The following TPO variants were observed in gnomAD, a reference collection of about 807,000 sequenced individuals.
The protein encoded by TPO is thyroid peroxidase.
Under a neutral mutation model 96.9 loss-of-function variants are expected in TPO, and 78 were observed. The observed-to-expected ratio is 0.81, with a 90% CI of 0.67 to 0.97. TPO has a LOEUF of 0.97. TPO is among the 50% of genes least tolerant of loss of function. TPO has a pLI of 0.00. For missense variants in TPO, 1,252 were observed against 1,274.8 expected, an observed-to-expected ratio of 0.98 and a Z score of 0.27; for synonymous variants, 547 against 538.0, an observed-to-expected ratio of 1.02 and a Z score of -0.23.
chr2:1,537,055 C>T (rs1471870408), intron 15 of TPO, among the ~76,000 whole-genome samples: 1 of 42,132 alleles, frequency 2.4e-5, no homozygotes, highest in Non-Finnish European at 4.4e-5. Context: ...GCAACCTCCC[C>T]AAATCCCTGC....
In TPO at chr2:1,418,298, A is replaced by AG. The variant is rs201122454; in HGVS notation, c.94+3796_94+3797insG. On this transcript the variant is annotated intron_variant, in intron 2 of 16. Coordinates refer to ENST00000329066, the MANE Select transcript of TPO (RefSeq NM_001206744.2). ...AGAATCCATCTCAAAAAAAAAAAAAAAAGAGAGAGAGAGAAAAAAAGAAAA... is the reference window on the plus strand; with the variant it reads ...AGAATCCATCTCAAAAAAAAAAAAAAGAAGAGAGAGAGAGAAAAAAAGAAAA... Among the ~76,000 whole-genome samples the AG allele has an allele frequency of 9.9e-3, 1,487 of 150,710 alleles. 23 individuals carry two copies. Among genetic ancestry groups the AG allele is most frequent in the African/African-American group, 0.035 (1,398 of 40,338 alleles).
chr2:1,534,015 T>TA (rs1678936565), intron 15 of TPO, among the ~76,000 whole-genome samples: 1 of 56,316 alleles, frequency 1.8e-5, no homozygotes, highest in Non-Finnish European at 3.5e-5. Context: ...TCTCCCCAAA[T>TA]CCCCCCCAAT....
intron 8 of TPO, among the ~76,000 whole-genome samples, chr2:1,481,049 G>A (rs576331532): frequency 6.6e-6 from 1 of 152,006 alleles, no homozygotes; most frequent in Admixed American, 6.6e-5. Context: ...TCTCTCGGGG[G>A]ACTCGCACGT....
At chr2:1,484,913 T>C in intron 9 of TPO, 59 bp downstream of exon 9, 1 of 1,600,338 alleles carries the variant, frequency 6.2e-7, no homozygotes, top group South Asian at 1.1e-5. Flanking sequence ...TTTTTTAATT[T>C]TTTTAAATTA....
At chr2:1,391,733 C>A (rs1233994738) in intron 1 of TPO, among the ~76,000 whole-genome samples, 1 of 152,148 alleles carries the variant, frequency 6.6e-6, no homozygotes, top group Non-Finnish European at 1.5e-5. Flanking sequence ...TCCTTCACAT[C>A]CCTTGTAAGT....
intron 1 of TPO, among the ~76,000 whole-genome samples, chr2:1,404,609 G>T (rs1662220800): frequency 6.6e-6 from 1 of 152,154 alleles, no homozygotes; most frequent in Non-Finnish European, 1.5e-5. Context: ...GCAGGGGAAG[G>T]TGACCAGCCA....
chr2:1,537,419 ACCC>A (rs1680009213), intron 15 of TPO, among the ~76,000 whole-genome samples: 18 of 85,536 alleles, frequency 2.1e-4, no homozygotes, highest in South Asian at 1.4e-3. Flanking sequence ...ACCTCCCCAA[ACCC>A]TCCCATTGTG....
intron 15 of TPO, among the ~76,000 whole-genome samples, chr2:1,518,163 G>A (rs1417312905): frequency 6.6e-6 from 1 of 152,148 alleles, no homozygotes; most frequent in Non-Finnish European, 1.5e-5. Context: ...CCACTCTAAG[G>A]CCATCTTCCA....
At chr2:1,458,335 C>T (rs1668075590) in intron 7 of TPO, among the ~76,000 whole-genome samples, 1 of 151,546 alleles carries the variant, frequency 6.6e-6, no homozygotes, top group Non-Finnish European at 1.5e-5. Flanking sequence ...AATATGCGGA[C>T]ATGTGTGTAT....
intron 14 of TPO, among the ~76,000 whole-genome samples, chr2:1,511,070 G>C (rs1254456217): frequency 6.6e-6 from 1 of 152,198 alleles, no homozygotes; most frequent in Non-Finnish European, 1.5e-5. Flanking sequence ...TATAGATTCA[G>C]GCGCTGATAT....
chr2:1,542,515 C>CA lies in TPO; in HGVS notation c.*45dup. On this transcript the variant is annotated 3_prime_UTR_variant, in exon 17 of 17. Coordinates refer to ENST00000329066, the MANE Select transcript of TPO (RefSeq NM_001206744.2). ...ACACTGCAGAACAGCTTCATGTTCC[C>CA]AAAATCACCGTACGACTCTTTTCCA... 1.2e-6 allele frequency: 2 copies of CA among 1,613,000 alleles called. No homozygotes were observed. The highest frequency in any genetic ancestry group is 1.7e-6 in the Non-Finnish European group (2 of 1,179,508).
In TPO at chr2:1,456,189, G is replaced by A. The variant is rs747452123; in HGVS notation, c.726G>A (p.Ala242=). ...AWGQYIDHDI[A]FTPQSTSKAA... is the part of the protein sequence containing the mutation. ...GACAATACATCGACCACGACATCGC[G>A]TTCACACCACAGAGCACCAGCAAAG... Residue 242 remains alanine, a synonymous_variant, in exon 7 of 17, where the codon GCG becomes GCA. Transcript: ENST00000329066. 2.1e-5 allele frequency: 34 copies of A among 1,614,076 alleles called. No individual in the cohort carries two copies. Among genetic ancestry groups the A allele is most frequent in the African/African-American group, 1.1e-4 (8 of 75,038 alleles).
chr2:1,457,978 TAG>T (rs776706774), intron 7 of TPO, among the ~76,000 whole-genome samples: 2 of 147,088 alleles, frequency 1.4e-5, no homozygotes, highest in Non-Finnish European at 3.0e-5. Flanking sequence ...GCATATAAGA[TAG>T]TGTGTGGGCA....
At chr2:1,463,098 C>G (rs906383852) in intron 7 of TPO, among the ~76,000 whole-genome samples, 7 of 152,172 alleles carry the variant, frequency 4.6e-5, no homozygotes, top group Non-Finnish European at 1.0e-4. Flanking sequence ...CCACATCTGG[C>G]AGGGAGGACA....
At chr2:1,481,428 C>T (rs552223058) in intron 8 of TPO, among the ~76,000 whole-genome samples, 1 of 152,150 alleles carries the variant, frequency 6.6e-6, no homozygotes, top group South Asian at 2.1e-4. Flanking sequence ...TTCTATGCCC[C>T]GGCCATCAGA....
intron 15 of TPO, among the ~76,000 whole-genome samples, chr2:1,536,029 G>A (rs1195369804): frequency 1.2e-4 from 2 of 16,024 alleles, no homozygotes; most frequent in Non-Finnish European, 2.0e-4. Flanking sequence ...TCCCCCCACT[G>A]TGTGCAACCT....
At position 1,429,178 on chromosome 2, in the gene TPO, TG is replaced by T. The variant is rs754811073; in HGVS notation, c.180-4258del. On this transcript the variant is annotated intron_variant, in intron 3 of 16. Coordinates refer to ENST00000329066, the MANE Select transcript of TPO (RefSeq NM_001206744.2). ...TTGCTCAGTTACTTCACGTGAGATC[TG>T]GTTGTTTAAAAGTCTGTGGCATCTC... is the stretch of plus-strand genomic sequence containing the variant. Among the ~76,000 whole-genome samples, 167 of 152,306 alleles carry T rather than the reference TG, an allele frequency of 1.1e-3. 3 individuals carry two copies. Among genetic ancestry groups the T allele is most frequent in the Middle Eastern group, 3.4e-3 (1 of 294 alleles).
upstream of TPO, among the ~76,000 whole-genome samples, chr2:1,411,642 A>T (rs921393066): frequency 2.0e-5 from 3 of 152,124 alleles, no homozygotes; most frequent in African/African-American, 4.8e-5. Flanking sequence ...GATCCAAATG[A>T]GACTTTTGGC....
intron 1 of TPO, 69 bp downstream of exon 1, chr2:1,413,614 C>T: frequency 1.1e-6 from 1 of 940,726 alleles, no homozygotes; most frequent in Non-Finnish European, 1.3e-6. Flanking sequence ...TGTAAAGTGG[C>T]CCAAGAGTGG....
Sources: allele counts gnomAD v4.1 joint callset (sites outside exome capture counted in the v4.1 genomes callset), GRCh38; gene constraint gnomAD v4.1.1; transcripts MANE v1.5; gene names NCBI Gene and HGNC (gene_info 2026-07-23, HGNC 2026-07-21).